PPP2R5C: variants seen among roughly 807,000 people sequenced by gnomAD.
The protein encoded by PPP2R5C is serine/threonine-protein phosphatase 2A 56 kDa regulatory subunit gamma isoform.
In PPP2R5C, 7 loss-of-function variants were observed where a neutral mutation model predicts 68.9. That is an observed-to-expected ratio of 0.10 (90% CI 0.06 to 0.19). PPP2R5C has a LOEUF of 0.19. Ranked by LOEUF, PPP2R5C falls within the 10% of genes least tolerant of loss-of-function variation. The pLI is 1.00. For synonymous variants in PPP2R5C, 210 were observed against 222.2 expected (o/e 0.95, Z 0.49); for missense variants, 348 against 641.3 (o/e 0.54, Z 4.94).
intron 3 of PPP2R5C, among the ~76,000 whole-genome samples, chr14:101,804,500 AATATAT>A (rs141520535): frequency 6.6e-6 from 1 of 151,904 alleles, no homozygotes; most frequent in Non-Finnish European, 1.5e-5. Context: ...ATGAATAAAA[AATATAT>A]ATATATACAC....
At chr14:101,807,695 C>G (rs2039130524), upstream of PPP2R5C, among the ~76,000 whole-genome samples, 1 of 151,828 alleles carries the variant, frequency 6.6e-6, no homozygotes, top group Non-Finnish European at 1.5e-5. Flanking sequence ...CAATGATGGC[C>G]AGATCAGCCT....
chr14:101,801,482 C>A (rs1032399295), intron 3 of PPP2R5C, among the ~76,000 whole-genome samples: 3 of 152,144 alleles, frequency 2.0e-5, no homozygotes, highest in African/African-American at 7.2e-5. Context: ...TCATTTTATA[C>A]ATTTATAAGT....
intron 1 of PPP2R5C, among the ~76,000 whole-genome samples, chr14:101,816,527 A>G (rs1324574334): frequency 6.6e-6 from 1 of 152,160 alleles, no homozygotes; most frequent in Non-Finnish European, 1.5e-5. Context: ...GTGAAATCAA[A>G]CCTATTAGAG....
intron 1 of PPP2R5C, among the ~76,000 whole-genome samples, chr14:101,837,227 T>G (rs1390076489): frequency 6.6e-6 from 1 of 152,144 alleles, no homozygotes; most frequent in East Asian, 1.9e-4. Flanking sequence ...CACCGCAACC[T>G]CCGCCCCTTG....
intron 1 of PPP2R5C, among the ~76,000 whole-genome samples, chr14:101,839,948 AT>A (rs10711996): frequency 0.12 from 17,592 of 147,890 alleles, 1,224 homozygotes; most frequent in African/African-American, 0.2. Context: ...TGTTGTTTGG[AT>A]TTTTTTTTTT....
At chr14:101,808,142 C>T (rs764476767), upstream of PPP2R5C, among the ~76,000 whole-genome samples, 5 of 151,488 alleles carry the variant, frequency 3.3e-5, no homozygotes, top group Non-Finnish European at 5.9e-5. Context: ...GAGTCATCAA[C>T]ACTGCTTCCT....
At chr14:101,876,939 G>A (rs1159839731) in intron 2 of PPP2R5C, among the ~76,000 whole-genome samples, 4 of 128,866 alleles carry the variant, frequency 3.1e-5, no homozygotes, top group South Asian at 2.4e-4. Flanking sequence ...AAGGATTTAC[G>A]CTTTTTTTTT....
At chr14:101,846,498 T>TA (rs751014044) in intron 1 of PPP2R5C, among the ~76,000 whole-genome samples, 47 of 152,396 alleles carry the variant, frequency 3.1e-4, no homozygotes, top group Non-Finnish European at 5.3e-4. Context: ...TCTACCGAGT[T>TA]ACAAACAGTA....
exon 7 of PPP2R5C, chr14:101,893,045 T>C: frequency 6.2e-7 from 1 of 1,611,980 alleles, no homozygotes; most frequent in Non-Finnish European, 8.5e-7. Flanking sequence ...AGCACAAGAT[T>C]TTCTTATTGA....
Position 101,878,400 on chromosome 14 carries a change from G to A in PPP2R5C, c.295-3761G>A, listed in dbSNP as rs1040983204. Among the ~76,000 whole-genome samples, 4 of 152,352 alleles carry A rather than the reference G, an allele frequency of 2.6e-5. No individual in the cohort carries two copies. The East Asian group carries it at 7.7e-4, about 29-fold the overall frequency. On this transcript the variant is annotated intron_variant, in intron 2 of 13. Transcript: ENST00000334743. ...TCAGCATCAAGGATTCAGTGAGTGT[G>A]CAGGTGTTTGAGACGGGGCCTAGCT...
intron 1 of PPP2R5C, among the ~76,000 whole-genome samples, chr14:101,837,230 GCCCCT>G (rs1428585895): frequency 1.7e-4 from 26 of 152,052 alleles, no homozygotes; most frequent in African/African-American, 6.3e-4. Flanking sequence ...CGCAACCTCC[GCCCCT>G]TGGGTTCAAG....
At chr14:101,787,171 GC>G (rs2038130830) in intron 3 of PPP2R5C, among the ~76,000 whole-genome samples, 1 of 152,216 alleles carries the variant, frequency 6.6e-6, no homozygotes, top group Non-Finnish European at 1.5e-5. Context: ...GATTGCTTGA[GC>G]CTGGGAGGCC....
intron 2 of PPP2R5C, among the ~76,000 whole-genome samples, chr14:101,865,237 GT>G (rs935731885): frequency 2.0e-5 from 3 of 152,324 alleles, no homozygotes; most frequent in African/African-American, 7.2e-5. Flanking sequence ...TCACAAGGGA[GT>G]TTACCAGGCA....
intron 2 of PPP2R5C, among the ~76,000 whole-genome samples, chr14:101,769,304 C>T (rs1438356629): frequency 6.6e-6 from 1 of 152,342 alleles, no homozygotes; most frequent in East Asian, 1.9e-4. Flanking sequence ...GACCTTCGTT[C>T]CCCTGTGACT....
At chr14:101,854,166 T>G (rs1394286255) in intron 1 of PPP2R5C, among the ~76,000 whole-genome samples, 1 of 152,144 alleles carries the variant, frequency 6.6e-6, no homozygotes, top group Non-Finnish European at 1.5e-5. Context: ...TCAGAGTATT[T>G]AGGAATAAAA....
rs905294913 is a variant in PPP2R5C at position 101,891,685 on chromosome 14, C to T, written c.690-1315C>T. 2.0e-4 allele frequency among the ~76,000 whole-genome samples: 30 copies of T among 152,274 alleles called. No individual in the cohort carries two copies. The highest frequency in any genetic ancestry group is 7.2e-4 in the African/African-American group (30 of 41,552). The stretch of plus-strand genomic sequence containing the variant: ...CTTCTTCCAGATGAGGCTGAGCCTT[C>T]GGGTGACCCTGTGAGTGAGCACACC... On this transcript the variant is annotated intron_variant, in intron 6 of 13. Coordinates refer to ENST00000334743, the Ensembl canonical transcript of PPP2R5C. The surrounding 1 kb of genome is among the most constrained non-coding windows in gnomAD (Gnocchi z 4.9).
chr14:101,767,927 C>A (rs748428659), intron 2 of PPP2R5C, among the ~76,000 whole-genome samples: 1 of 152,192 alleles, frequency 6.6e-6, no homozygotes, highest in Non-Finnish European at 1.5e-5. Context: ...CCATTCCTGT[C>A]CTACATCACA....
Position 101,913,180 on chromosome 14 carries a change from A to G in PPP2R5C, c.1326+707A>G, listed in dbSNP as rs992525890. Among the ~76,000 whole-genome samples the G allele has an allele frequency of 6.6e-6, 1 of 152,240 alleles. No homozygotes were observed. Among genetic ancestry groups the G allele is most frequent in the Non-Finnish European group, 1.5e-5 (1 of 68,042 alleles). On this transcript the variant is annotated intron_variant, in intron 12 of 13. Coordinates refer to ENST00000334743, the Ensembl canonical transcript of PPP2R5C. The surrounding 1 kb of genome is among the most constrained non-coding windows in gnomAD (Gnocchi z 4.1). ...TTCTTCACGTTCTGTGTGCCTGATT[A>G]TAACAGTGCCTCTTAAAAAGAAAAT...
intron 2 of PPP2R5C, among the ~76,000 whole-genome samples, chr14:101,870,623 A>G (rs1024788816): frequency 1.3e-5 from 2 of 152,100 alleles, no homozygotes; most frequent in Non-Finnish European, 2.9e-5. Flanking sequence ...AATTGTTTTG[A>G]CTATTCTAGT....
Sources: gnomAD v4.1 joint callset for allele counts (sites outside exome capture counted in the v4.1 genomes callset) on GRCh38, gnomAD v4.1.1 for gene constraint, Gnocchi (gnomAD v3.1) non-coding constraint, MANE v1.5 for transcripts, NCBI Gene and HGNC (gene_info 2026-07-23, HGNC 2026-07-21) for gene names.